FLT4: variants seen among roughly 807,000 people sequenced by gnomAD.
FLT4 encodes vascular endothelial growth factor receptor 3.
A neutral mutation model predicts 163.2 loss-of-function variants in FLT4; 30 were observed. That is an observed-to-expected ratio of 0.18 (90% CI 0.14 to 0.25). FLT4 has a LOEUF of 0.25. Ranked by LOEUF, FLT4 falls within the 10% of genes least tolerant of loss-of-function variation. FLT4 has a pLI of 1.00. For missense variants in FLT4, 1,510 were observed against 1,863.8 expected, an observed-to-expected ratio of 0.81 and a Z score of 3.50; for synonymous variants, 884 against 789.5, an observed-to-expected ratio of 1.12 and a Z score of -2.01.
intron 1 of FLT4, among the ~76,000 whole-genome samples, chr5:180,643,560 AACAC>A (rs1197895363): frequency 6.6e-6 from 1 of 151,970 alleles, no homozygotes; most frequent in Non-Finnish European, 1.5e-5. Context: ...ATCTTTCTAG[AACAC>A]AAGTCCCTCT....
chr5:180,643,242 G>A (rs1765257354), intron 1 of FLT4, among the ~76,000 whole-genome samples: 1 of 152,194 alleles, frequency 6.6e-6, no homozygotes, highest in African/African-American at 2.4e-5. Context: ...CAGCCAATCG[G>A]TCACCAAGTG....
chr5:180,610,172 C>G, intron 27 of FLT4, 147 bp from the exon 28 acceptor site: 1 of 1,105,202 alleles, frequency 9.0e-7, no homozygotes, highest in Non-Finnish European at 1.3e-6. Flanking sequence ...TGAGTGCTGG[C>G]AGGGGCTCCT....
At chr5:180,622,040 G>A (rs1763193201) in intron 12 of FLT4, 136 bp from the exon 13 acceptor site, 8 of 973,296 alleles carry the variant, frequency 8.2e-6, no homozygotes, top group South Asian at 3.2e-5. Flanking sequence ...CTTGCCCCCC[G>A]CCCCACCAAA....
intron 7 of FLT4, 100 bp from the exon 8 acceptor site, chr5:180,629,099 C>T (rs1046053997): frequency 1.3e-4 from 183 of 1,444,882 alleles, no homozygotes; most frequent in Non-Finnish European, 1.5e-4. Context: ...GCCGGACATC[C>T]GCAGACTGGG....
rs547434554 is a variant in FLT4, at chr5:180,630,196, C to T, written c.513+29G>A. The T allele has an allele frequency of 4.9e-5, 79 of 1,602,760 alleles. No individual in the cohort carries two copies. Among genetic ancestry groups the T allele is most frequent in the African/African-American group, 1.6e-4 (12 of 74,654 alleles). ...TTTCCCAGGGGTGGGATGGGAGGGT[C>T]GGATGCTGGGGTTGGGGTGGGGCCG... On this transcript the variant is annotated intron_variant, in intron 4 of 29. Transcript: ENST00000261937. The surrounding 1 kb of genome is among the most constrained non-coding windows in gnomAD (Gnocchi z 6.3).
At position 180,609,038 on chromosome 5, in the gene FLT4, T is replaced by C. The variant is rs1309404142; in HGVS notation, c.3823A>G (p.Ser1275Gly). ...TCCTCCGAGGCCAGCACCATCCCAC[T>C]GTCTGTCTGGTTGTCCTGTGTGGAG... Reference protein sequence around the residue: ...YKGSVDNQTDSGMVLASEEFE... With the variant: ...YKGSVDNQTDGGMVLASEEFE... The change falls in exon 29 of 30, where the codon AGT (serine) becomes GGT (glycine). Residue 1275 changes from serine (S) to glycine (G), a missense_variant. Ser to Gly is a moderately conservative substitution (Grantham distance 56, BLOSUM62 0). This residue lies in a region of FLT4 where 295 missense variants were observed against 311.0 expected (regional missense o/e 0.95). Coordinates refer to ENST00000261937, the MANE Select transcript of FLT4 (RefSeq NM_182925.5). The C allele has an allele frequency of 2.5e-6, 4 of 1,614,182 alleles. No individual in the cohort carries two copies. The highest frequency in any genetic ancestry group is 1.1e-5 in the South Asian group (1 of 91,088).
chr5:180,611,203 T>A, intron 27 of FLT4, 128 bp downstream of exon 27: 1 of 1,152,500 alleles, frequency 8.7e-7, no homozygotes, highest in Non-Finnish European at 1.3e-6. Context: ...CACTCTGTGC[T>A]CTGAGTTTGT....
At chr5:180,613,432 G>A (rs1055042077) in intron 24 of FLT4, 2 of 339,966 alleles carry the variant, frequency 5.9e-6, no homozygotes, top group Non-Finnish European at 1.1e-5. Flanking sequence ...CCGCCTGCAG[G>A]CAGTTTCAAC....
At chr5:180,606,903 A>AAAAAC (rs1761822295) in intron 29 of FLT4, among the ~76,000 whole-genome samples, 1 of 47,572 alleles carries the variant, frequency 2.1e-5, no homozygotes. Flanking sequence ...TAAAAAAAAA[A>AAAAAC]AAAAAAAAAA....
At chr5:180,638,392 T>C (rs1309909295) in intron 1 of FLT4, among the ~76,000 whole-genome samples, 1 of 152,206 alleles carries the variant, frequency 6.6e-6, no homozygotes, top group South Asian at 2.1e-4. Context: ...CCTGTCAGGC[T>C]GGATGCACCT....
In FLT4 at chr5:180,606,225, A is replaced by G. The variant is rs17699804; in HGVS notation, c.3893+2743T>C. On this transcript the variant is annotated intron_variant, in intron 29 of 29. Transcript: ENST00000261937. ...CTTCTGGATACTATCTTGCTTCCTT[A>G]GGACCCATGTCTTCTGGAACTTTCT... 2.2e-3 allele frequency among the ~76,000 whole-genome samples: 336 copies of G among 152,298 alleles called. 1 individual carries two copies. The highest frequency in any genetic ancestry group is 4.0e-3 in the Non-Finnish European group (272 of 68,024).
rs2127794191 is a variant in FLT4 at position 180,612,542 on chromosome 5, C to T, written c.3501G>A (p.Glu1167=). 6.2e-7 allele frequency: 1 copy of T among 1,614,036 alleles called. No homozygotes were observed. Residue 1167 remains glutamate (E), a synonymous_variant, in exon 26 of 30, where the codon GAG becomes GAA. Coordinates refer to ENST00000261937, the MANE Select transcript of FLT4 (RefSeq NM_182925.5). ...KARPAFSELV[E]ILGDLLQGRG... ...TGCCCTGGAGCAGGTCCCCCAGGAT[C>T]TCCACCAGCTCCGAGAATGCAGGTC...
At chr5:180,619,537 C>T (rs756901979) in intron 18 of FLT4, 128 bp downstream of exon 18, 1 of 998,742 alleles carries the variant, frequency 1.0e-6, no homozygotes, top group Non-Finnish European at 1.6e-6. Context: ...CCGCAGCCTC[C>T]CTGTAGAATC....
In FLT4 at chr5:180,630,601, T is replaced by G. The variant is rs1581679053; in HGVS notation, c.354A>C (p.Ala118=). 1.2e-6 allele frequency: 2 copies of G among 1,613,058 alleles called. No homozygotes were observed. Among genetic ancestry groups the G allele is most frequent in the Non-Finnish European group, 1.7e-6 (2 of 1,179,968 alleles). Residue 118 remains alanine (A), a synonymous_variant, in exon 3 of 30, where the codon GCA becomes GCC. Coordinates refer to ENST00000261937, the MANE Select transcript of FLT4 (RefSeq NM_182925.5). This position sits in a 1 kb window ranked among gnomAD's most constrained non-coding sequence, Gnocchi z 6.3. ...SYVCYYKYIK[A]RIEGTTAASS... is the part of the protein sequence containing the mutation. ...TGGCGGCCGTGGTGCCCTCGATGCG[T>G]GCCTTGATGTACTTGTAGTAGCAGA...
In FLT4 at chr5:180,623,588, G is replaced by A. The variant is rs369096176; in HGVS notation, c.1548+347C>T. ...GGCGTTGCCCCCAGGCTGCGCCAGC[G>A]GCTCAGCAGCCCTCTGTGCAGACCT... On this transcript the variant is annotated intron_variant, in intron 11 of 29. Coordinates refer to ENST00000261937, the MANE Select transcript of FLT4 (RefSeq NM_182925.5). The surrounding 1 kb of genome is among the most constrained non-coding windows in gnomAD (Gnocchi z 5.8). Among the ~76,000 whole-genome samples the A allele has an allele frequency of 7.9e-5, 12 of 152,310 alleles. No homozygotes were observed. The highest frequency in any genetic ancestry group is 7.7e-4 in the East Asian group (4 of 5,168).
In FLT4 at chr5:180,603,164, AAGTGCTGGGGGT is replaced by A; in HGVS notation, c.*16_*27del. ...CCCGCCCTGCCGGGCCTGAACCCCCAAGTGCTGGGGGTCTTGTCCGATGCTGCTTAGTAGCTG... is the reference window on the plus strand; with the variant it reads ...CCCGCCCTGCCGGGCCTGAACCCCCACTTGTCCGATGCTGCTTAGTAGCTG... On this transcript the variant is annotated 3_prime_UTR_variant, in exon 30 of 30. Transcript: ENST00000261937. The A allele has an allele frequency of 6.2e-7, 1 of 1,611,760 alleles. No individual in the cohort carries two copies. The highest frequency in any genetic ancestry group is 1.1e-5 in the South Asian group (1 of 90,946).
At chr5:180,631,827 G>A (rs372630033) in intron 1 of FLT4, 49 bp from the exon 2 acceptor site, 144 of 1,293,466 alleles carry the variant, frequency 1.1e-4, no homozygotes, top group Middle Eastern at 1.9e-4. Flanking sequence ...GACTTGGCAC[G>A]ACGTTGATGG....
intron 29 of FLT4, among the ~76,000 whole-genome samples, chr5:180,604,274 T>A (rs538268906): frequency 7.9e-5 from 12 of 152,092 alleles, no homozygotes; most frequent in Non-Finnish European, 1.8e-4. Flanking sequence ...GGCACCACCG[T>A]CCCCTCAGCC....
In FLT4 at chr5:180,620,763, C is replaced by A. The variant is rs772616751; in HGVS notation, c.2300-48G>T. The A allele has an allele frequency of 1.3e-6, 2 of 1,586,302 alleles. No homozygotes were observed. Among genetic ancestry groups the A allele is most frequent in the African/African-American group, 1.3e-5 (1 of 74,112 alleles). ...GCGTGTGTGTGTGTGTGTGTAAGAG[C>A]GTGCACCTGCAGGCAGCACCCCTTC... On this transcript the variant is annotated intron_variant, in intron 15 of 29. Transcript: ENST00000261937. The surrounding 1 kb of genome is among the most constrained non-coding windows in gnomAD (Gnocchi z 4.4).
Sources: gnomAD v4.1 joint callset for allele counts (sites outside exome capture counted in the v4.1 genomes callset) on GRCh38, gnomAD v4.1.1 for gene constraint, gnomAD v4.1.1 regional missense constraint, Gnocchi (gnomAD v3.1) non-coding constraint, MANE v1.5 for transcripts, NCBI Gene and HGNC (gene_info 2026-07-23, HGNC 2026-07-21) for gene names.